SPMIP3: variants seen among roughly 807,000 people sequenced by gnomAD.
SPMIP3 encodes protein SPMIP3.
the SPMIP3 span, among the ~76,000 whole-genome samples, chr1:244,354,202 C>G: frequency 6.6e-6 from 1 of 152,122 alleles, no homozygotes; most frequent in Non-Finnish European, 1.5e-5. Context: ...TCTTGGGACC[C>G]TGACTCTAAT....
chr1:244,379,015 GCCTCCTGGGTTCACTCCATTCTCCTGC>G, the SPMIP3 span, among the ~76,000 whole-genome samples: 4 of 151,902 alleles, frequency 2.6e-5, no homozygotes, highest in African/African-American at 9.7e-5. Flanking sequence ...TGCAAACTCC[GCCTCCTGGGTTCACTCCATTCTCCTGC>G]CTCAGCCTCC....
At chr1:244,353,784 C>G in the SPMIP3 span, among the ~76,000 whole-genome samples, 2 of 152,276 alleles carry the variant, frequency 1.3e-5, no homozygotes, top group East Asian at 1.9e-4. Flanking sequence ...CCTTCCTGAA[C>G]TGGGAAAACT....
the SPMIP3 span, among the ~76,000 whole-genome samples, chr1:244,379,227 C>CT: frequency 0.029 from 4,121 of 140,036 alleles, 171 homozygotes; most frequent in African/African-American, 0.091. Context: ...TGCGCCCGGC[C>CT]TTTTTTTTTT....
the SPMIP3 span, among the ~76,000 whole-genome samples, chr1:244,360,565 CATGG>C: frequency 1.5e-5 from 1 of 67,664 alleles, no homozygotes; most frequent in Non-Finnish European, 3.1e-5. Context: ...CACATGCATG[CATGG>C]AATATTATTC....
chr1:244,359,807 G>A, the SPMIP3 span, among the ~76,000 whole-genome samples: 1 of 151,852 alleles, frequency 6.6e-6, no homozygotes, highest in Non-Finnish European at 1.5e-5. Flanking sequence ...GCTAACAGGT[G>A]TATAAAAAAA....
chr1:244,354,466 C>T, the SPMIP3 span, among the ~76,000 whole-genome samples: 1 of 151,134 alleles, frequency 6.6e-6, no homozygotes, highest in Non-Finnish European at 1.5e-5. Flanking sequence ...AACGATTCTC[C>T]TGCCTCAGCC....
chr1:244,353,774 C>T, the SPMIP3 span, among the ~76,000 whole-genome samples: 3 of 152,166 alleles, frequency 2.0e-5, no homozygotes, highest in Non-Finnish European at 4.4e-5. Flanking sequence ...AGGGAACCAA[C>T]CTTCCTGAAC....
chr1:244,384,235 C>T, the SPMIP3 span, among the ~76,000 whole-genome samples: 1 of 152,156 alleles, frequency 6.6e-6, no homozygotes, highest in East Asian at 1.9e-4. Flanking sequence ...CAGGGTCTCA[C>T]TCCCATTGCC....
At chr1:244,375,476 C>T in the SPMIP3 span, 1 of 1,604,504 alleles carries the variant, frequency 6.2e-7, no homozygotes, top group Admixed American at 1.7e-5. Flanking sequence ...AGGTGAGACA[C>T]CTCCTCAATC....
chr1:244,363,237 A>G, the SPMIP3 span, among the ~76,000 whole-genome samples: 2 of 152,048 alleles, frequency 1.3e-5, no homozygotes. Flanking sequence ...GTGAAACCCC[A>G]TCTCTACTAA....
chr1:244,353,691 G>A, the SPMIP3 span, among the ~76,000 whole-genome samples: 3 of 152,064 alleles, frequency 2.0e-5, no homozygotes, highest in Non-Finnish European at 1.5e-5. Context: ...GCTTAATTTA[G>A]GCTAGAGAAG....
chr1:244,388,995 C>T, the SPMIP3 span: 1 of 1,614,048 alleles, frequency 6.2e-7, no homozygotes, highest in Non-Finnish European at 8.5e-7. Flanking sequence ...TCCTCGACCG[C>T]TTAATTCACT....
At chr1:244,372,815 T>A in the SPMIP3 span, among the ~76,000 whole-genome samples, 16 of 152,194 alleles carry the variant, frequency 1.1e-4, no homozygotes, top group African/African-American at 3.6e-4. Context: ...TGTCCAGGCA[T>A]CACAAACTCA....
chr1:244,363,938 G>A, the SPMIP3 span, among the ~76,000 whole-genome samples: 1 of 152,090 alleles, frequency 6.6e-6, no homozygotes, highest in Admixed American at 6.6e-5. Flanking sequence ...CTTGTTGTGA[G>A]GCACTCTGGG....
At chr1:244,358,802 T>C in the SPMIP3 span, among the ~76,000 whole-genome samples, 11 of 152,030 alleles carry the variant, frequency 7.2e-5, no homozygotes, top group African/African-American at 2.7e-4. Context: ...TGAAACTGAG[T>C]GAATGGTAGG....
At chr1:244,374,740 G>T in the SPMIP3 span, among the ~76,000 whole-genome samples, 2 of 151,702 alleles carry the variant, frequency 1.3e-5, no homozygotes, top group African/African-American at 4.8e-5. Context: ...GGGATTACAG[G>T]CATGTGCCAC....
chr1:244,361,537 A>G, the SPMIP3 span, among the ~76,000 whole-genome samples: 3 of 151,890 alleles, frequency 2.0e-5, no homozygotes, highest in African/African-American at 7.3e-5. Flanking sequence ...CCTGTTCTAC[A>G]TTTCAAAATA....
At chr1:244,380,130 T>C in the SPMIP3 span, among the ~76,000 whole-genome samples, 28 of 63,496 alleles carry the variant, frequency 4.4e-4, no homozygotes, top group Admixed American at 8.9e-4. Flanking sequence ...TTTCTTTTTT[T>C]TTTTTTTTTT....
the SPMIP3 span, among the ~76,000 whole-genome samples, chr1:244,381,738 C>T: frequency 6.6e-6 from 1 of 152,226 alleles, no homozygotes; most frequent in Admixed American, 6.5e-5. Context: ...CGAGACCAGC[C>T]TGGCCAACAT....
Sources: allele counts gnomAD v4.1 joint callset (sites outside exome capture counted in the v4.1 genomes callset), GRCh38; gene constraint gnomAD v4.1.1; transcripts MANE v1.5; gene names NCBI Gene and HGNC (gene_info 2026-07-23, HGNC 2026-07-21).